The following TSNARE1 variants were observed in gnomAD, a reference collection of about 807,000 sequenced individuals.
TSNARE1 encodes the protein t-SNARE domain containing 1.
Under a neutral mutation model 62.0 loss-of-function variants are expected in TSNARE1, and 49 were observed. The ratio of observed to expected loss-of-function variants is 0.79; its 90% CI spans 0.63 to 1.00. The LOEUF is 1.00. Among genes scored for constraint, TSNARE1 ranks in the 50% least tolerant of loss-of-function variants. The pLI is 0.00. For missense variants in TSNARE1, 755 were observed against 700.1 expected, an observed-to-expected ratio of 1.08 and a Z score of -0.88; for synonymous variants, 328 against 294.4, an observed-to-expected ratio of 1.11 and a Z score of -1.17.
intron 1 of TSNARE1, among the ~76,000 whole-genome samples, chr8:142,361,404 G>C (rs1241566938): frequency 6.6e-6 from 1 of 152,330 alleles, no homozygotes; most frequent in East Asian, 1.9e-4. Context: ...CTCCTCGGGC[G>C]AGCCCAGGGC....
intron 1 of TSNARE1, among the ~76,000 whole-genome samples, chr8:142,381,471 C>T (rs1024540391): frequency 1.3e-5 from 2 of 152,206 alleles, no homozygotes; most frequent in South Asian, 2.1e-4. Flanking sequence ...TATCAGCGCC[C>T]CCCCCCACCC....
At chr8:142,367,192 C>A (rs1038126148) in intron 1 of TSNARE1, among the ~76,000 whole-genome samples, 1 of 152,174 alleles carries the variant, frequency 6.6e-6, no homozygotes, top group African/African-American at 2.4e-5. Flanking sequence ...GTTTTCCTAT[C>A]GCAATAAAAA....
At chr8:142,309,859 C>T (rs1177741033) in intron 9 of TSNARE1, among the ~76,000 whole-genome samples, 1 of 152,136 alleles carries the variant, frequency 6.6e-6, no homozygotes, top group Non-Finnish European at 1.5e-5. Context: ...TTCACCCATA[C>T]AGCTATTGAG....
At chr8:142,215,816 C>T (rs945496683) in intron 13 of TSNARE1, among the ~76,000 whole-genome samples, 12 of 152,228 alleles carry the variant, frequency 7.9e-5, no homozygotes, top group Admixed American at 2.0e-4. Context: ...GGCCTGGACA[C>T]GCCCTTCAGC....
chr8:142,382,610 G>T (rs1387292887), intron 1 of TSNARE1, among the ~76,000 whole-genome samples: 1 of 152,186 alleles, frequency 6.6e-6, no homozygotes, highest in Non-Finnish European at 1.5e-5. Flanking sequence ...CTGGCCATGG[G>T]GTGGCCAGGA....
intron 4 of TSNARE1, among the ~76,000 whole-genome samples, chr8:142,340,624 A>C (rs1382116341): frequency 6.6e-6 from 1 of 152,244 alleles, no homozygotes; most frequent in Non-Finnish European, 1.5e-5. Flanking sequence ...AAAGAAAATA[A>C]TAAGGCTGTG....
At chr8:142,347,731 G>A (rs1833560928) in intron 2 of TSNARE1, among the ~76,000 whole-genome samples, 1 of 94,948 alleles carries the variant, frequency 1.1e-5, no homozygotes, top group African/African-American at 4.4e-5. Flanking sequence ...CCCAAGTCCA[G>A]AAGGACACGC....
At chr8:142,361,795 G>C (rs962831134) in intron 1 of TSNARE1, among the ~76,000 whole-genome samples, 2 of 152,192 alleles carry the variant, frequency 1.3e-5, no homozygotes, top group African/African-American at 2.4e-5. Flanking sequence ...TCAGTTCACA[G>C]GGACGGGTGC....
At chr8:142,283,962 C>T (rs1822232387) in intron 11 of TSNARE1, among the ~76,000 whole-genome samples, 2 of 142,422 alleles carry the variant, frequency 1.4e-5, no homozygotes, top group African/African-American at 4.9e-5. Context: ...GGGTGGGGGC[C>T]AGTGTCTGTC....
At chr8:142,314,631 C>G (rs1389614976) in intron 8 of TSNARE1, among the ~76,000 whole-genome samples, 191 bp from the exon 9 acceptor site, 1 of 151,934 alleles carries the variant, frequency 6.6e-6, no homozygotes, top group African/African-American at 2.4e-5. Flanking sequence ...GTCCATGCCA[C>G]TCCCAGAAGA....
chr8:142,242,463 C>T (rs1276028332), intron 12 of TSNARE1, among the ~76,000 whole-genome samples: 1 of 152,208 alleles, frequency 6.6e-6, no homozygotes, highest in Non-Finnish European at 1.5e-5. Context: ...GAGCAGTCAG[C>T]AGAGTGAAGA....
In TSNARE1 at chr8:142,273,073, C is replaced by T. The variant is rs193020250; in HGVS notation, c.1446+1708G>A. 3.9e-5 allele frequency: 38 copies of T among 985,284 alleles called. No individual in the cohort carries two copies. The African/African-American group carries it at 5.8e-4, about 15-fold the overall frequency. 61.0% of individuals were successfully genotyped at this position (985,284 alleles called of 1,614,324 possible). ...CTTGCCCACCTCCTCTGCAGTGTGTCGGGGGGGCGGTGCCTGCTCTGCCAG... is the reference window on the plus strand; with the variant it reads ...CTTGCCCACCTCCTCTGCAGTGTGTTGGGGGGGCGGTGCCTGCTCTGCCAG... On this transcript the variant is annotated intron_variant, in intron 12 of 13. Transcript: ENST00000524325.
At chr8:142,336,509 C>T (rs4434737) in intron 4 of TSNARE1, among the ~76,000 whole-genome samples, 3,934 of 152,156 alleles carry the variant, frequency 0.026, 175 homozygotes, top group African/African-American at 0.089. Context: ...AGATGGTCAA[C>T]TGACTAAGAT....
intron 11 of TSNARE1, among the ~76,000 whole-genome samples, chr8:142,283,106 G>A (rs1180276555): frequency 1.3e-5 from 2 of 149,738 alleles, no homozygotes; most frequent in Non-Finnish European, 3.0e-5. Context: ...CAGAGGGGAG[G>A]CCACTGTCTG....
chr8:142,395,408 G>A lies in TSNARE1; in HGVS notation c.-40+7696C>T, dbSNP rs572127290. ...TCAACAGCCCAGGAGGTCACCAGTC[G>A]GGGCCACTCCAGGCAGAGGGGCGGC... On this transcript the variant is annotated intron_variant, in intron 1 of 13. Coordinates refer to ENST00000524325, the MANE Select transcript of TSNARE1 (RefSeq NM_145003.5). Among the ~76,000 whole-genome samples, 35 of 152,044 alleles carry A rather than the reference G, an allele frequency of 2.3e-4. 1 individual carries two copies. The South Asian group carries it at 6.4e-3, about 28-fold the overall frequency.
At chr8:142,378,795 G>A (rs775273925) in intron 1 of TSNARE1, among the ~76,000 whole-genome samples, 2 of 152,216 alleles carry the variant, frequency 1.3e-5, no homozygotes, top group Admixed American at 6.5e-5. Context: ...CCTTCAAGGC[G>A]CACGGGCGTG....
intron 1 of TSNARE1, among the ~76,000 whole-genome samples, chr8:142,389,981 A>G (rs1837369160): frequency 6.6e-6 from 1 of 152,254 alleles, no homozygotes; most frequent in Admixed American, 6.5e-5. Flanking sequence ...TCCAGGCTAT[A>G]AACCTGGACA....
chr8:142,280,087 C>T (rs896299668), intron 11 of TSNARE1: 62 of 1,193,768 alleles, frequency 5.2e-5, no homozygotes, highest in Admixed American at 3.2e-4. Context: ...GCTCCACACG[C>T]GGTGCTTTCG....
At chr8:142,289,079 A>G (rs1228504219) in intron 10 of TSNARE1, among the ~76,000 whole-genome samples, 1 of 152,150 alleles carries the variant, frequency 6.6e-6, no homozygotes, top group Non-Finnish European at 1.5e-5. Flanking sequence ...GCACTCAAAC[A>G]TCGGCCTGGT....
Sources: gnomAD v4.1 joint callset for allele counts (sites outside exome capture counted in the v4.1 genomes callset) on GRCh38, gnomAD v4.1.1 for gene constraint, MANE v1.5 for transcripts, NCBI Gene and HGNC (gene_info 2026-07-23, HGNC 2026-07-21) for gene names.